FSIP2: variants seen among roughly 807,000 people sequenced by gnomAD.
The protein encoded by FSIP2 is fibrous sheath-interacting protein 2.
A neutral mutation model predicts 510.5 loss-of-function variants in FSIP2; 367 were observed. The ratio of observed to expected loss-of-function variants is 0.72; its 90% CI spans 0.66 to 0.78. The LOEUF (loss-of-function observed/expected upper bound fraction) is 0.78, where lower values mean the gene tolerates loss of function less well. Ranked by LOEUF, FSIP2 falls within the 30% of genes least tolerant of loss-of-function variation. The pLI is 0.00. For missense variants in FSIP2, 7,594 were observed against 7,901.7 expected (o/e 0.96, Z 1.48); for synonymous variants, 2,601 against 2,732.2 (o/e 0.95, Z 1.50).
chr2:185,824,124 T>C (rs1330202449), intron 19 of FSIP2, among the ~76,000 whole-genome samples: 2 of 151,762 alleles, frequency 1.3e-5, no homozygotes, highest in East Asian at 2.0e-4. Flanking sequence ...ACAGTTTCAG[T>C]TGGGAAAGAT....
chr2:185,819,729 G>T (rs1307367194), intron 19 of FSIP2, among the ~76,000 whole-genome samples: 1 of 151,830 alleles, frequency 6.6e-6, no homozygotes, highest in East Asian at 1.9e-4. Flanking sequence ...CTTTGTGTTA[G>T]ATGATTTTGC....
rs1390450195 is a variant in FSIP2 at position 185,792,950 on chromosome 2, T to C, written c.5814T>C (p.Ser1938=). ...CTTTTGCTACTTCCAAAGTAAAATC[T>C]CTCTTTTATTCTCAAGTCAACTTTA... is the stretch of plus-strand genomic sequence containing the variant. The part of the protein sequence containing the change: ...LETFATSKVK[S]LFYSQVNFTV... The change falls in exon 16 of 23, where the codon TCT becomes TCC. Residue 1938 remains serine, a synonymous_variant. Transcript: ENST00000424728. 6.5e-7 allele frequency: 1 copy of C among 1,534,276 alleles called. No individual in the cohort carries two copies. The highest frequency in any genetic ancestry group is 8.7e-7 in the Non-Finnish European group (1 of 1,145,664).
At chr2:185,756,606 C>A (rs1692251824) in intron 9 of FSIP2, among the ~76,000 whole-genome samples, 1 of 151,354 alleles carries the variant, frequency 6.6e-6, no homozygotes. Flanking sequence ...TCAGAAAACT[C>A]TGAAATATGT....
At chr2:185,784,067 G>T (rs558662977) in intron 14 of FSIP2, 2 of 152,306 alleles carry the variant, frequency 1.3e-5, no homozygotes, top group South Asian at 4.1e-4. Flanking sequence ...ACAGGAGTTT[G>T]CTGTGGAAGC....
At position 185,739,013 on chromosome 2, in the gene FSIP2, G is replaced by A. The variant is rs1691860979; in HGVS notation, c.99+20G>A. The A allele has an allele frequency of 1.3e-6, 2 of 1,528,278 alleles. No homozygotes were observed. The highest frequency in any genetic ancestry group is 1.7e-6 in the Non-Finnish European group (2 of 1,144,030). 94.7% of individuals were successfully genotyped at this position (1,528,278 alleles called of 1,614,324 possible). On this transcript the variant is annotated intron_variant, in intron 1 of 22. Coordinates refer to ENST00000424728, the MANE Select transcript of FSIP2 (RefSeq NM_173651.4). ...AGAGACGTGAGTGGCCGCAAGCTGG[G>A]CGGCGTCGCCCTCTGGCGGCCGCAG... is the stretch of plus-strand genomic sequence containing the variant.
chr2:185,775,828 T>C (rs369077504), intron 13 of FSIP2, among the ~76,000 whole-genome samples: 3 of 152,172 alleles, frequency 2.0e-5, no homozygotes, highest in East Asian at 3.9e-4. Context: ...CATACTCAGC[T>C]AATTTTTGTA....
chr2:185,801,888 C>T lies in FSIP2; in HGVS notation c.12582C>T (p.Ile4194=). The part of the protein sequence containing the change: ...KVMSAISKHK[I]WFTIYDNQYL... The stretch of plus-strand genomic sequence containing the variant: ...TGTCAGCCATTTCAAAACATAAAAT[C>T]TGGTTCACTATATATGATAATCAAT... Residue 4194 remains isoleucine (I), a synonymous_variant, in exon 17 of 23, where the codon ATC becomes ATT. Transcript: ENST00000424728. 3 of 1,492,676 alleles carry T rather than the reference C, an allele frequency of 2.0e-6. No individual in the cohort carries two copies. Among genetic ancestry groups the T allele is most frequent in the Non-Finnish European group, 2.7e-6 (3 of 1,119,686 alleles). The allele number at this position is 1,492,676 out of a possible 1,614,324, so 92.5% of individuals were successfully genotyped here. A position where few individuals can be genotyped will look rare whatever the true frequency, so the allele number is the denominator to read the frequency against.
rs1200275785 is a variant in FSIP2 at position 185,799,726 on chromosome 2, A to G, written c.10420A>G (p.Thr3474Ala). ...TAGTGAGGAAAAGATGTCTGTTTCT[A>G]CATGGTCAAGGAAAAAATATGAATC... ...VFSEEKMSVS[T>A]WSRKKYESKQ... The change falls in exon 17 of 23, where the codon ACA becomes GCA. Residue 3474 changes from threonine (T) to alanine (A), a missense_variant. Thr to Ala is a moderately conservative substitution (Grantham distance 58). Coordinates refer to ENST00000424728, the MANE Select transcript of FSIP2 (RefSeq NM_173651.4). 1 of 1,423,318 alleles carries G rather than the reference A, an allele frequency of 7.0e-7. No individual in the cohort carries two copies. The highest frequency in any genetic ancestry group is 2.5e-5 in the East Asian group (1 of 39,492). 88.2% of individuals were successfully genotyped at this position (1,423,318 alleles called of 1,614,324 possible).
At position 185,792,475 on chromosome 2, in the gene FSIP2, T is replaced by C. The variant is rs1422429325; in HGVS notation, c.5339T>C (p.Ile1780Thr). The C allele has an allele frequency of 3.3e-6, 5 of 1,529,988 alleles. No homozygotes were observed. The South Asian group carries it at 4.8e-5, about 15-fold the overall frequency. The allele number at this position is 1,529,988 out of a possible 1,614,324, so 94.8% of individuals were successfully genotyped here. A position where few individuals can be genotyped will look rare whatever the true frequency, so the allele number is the denominator to read the frequency against. Residue 1780 changes from isoleucine to threonine, a missense_variant, in exon 16 of 23, where the codon ATT becomes ACT. Coordinates refer to ENST00000424728, the MANE Select transcript of FSIP2 (RefSeq NM_173651.4). ...CCACATATATCTCCAATTGCTCCCA[T>C]TATAAGAAATATTTTGAATGAAATT... ...KEPHISPIAP[I>T]IRNILNEIFQ...
Position 185,783,825 on chromosome 2 carries a change from T to G in FSIP2, c.1469+1063T>G, listed in dbSNP as rs150521841. The stretch of plus-strand genomic sequence containing the variant: ...TCATAATATAGTTGTAATAACTGCA[T>G]TTTTTATCTTCTCCTACCCAAGAAT... On this transcript the variant is annotated intron_variant, in intron 14 of 22. Coordinates refer to ENST00000424728, the MANE Select transcript of FSIP2 (RefSeq NM_173651.4). 3.9e-5 allele frequency: 6 copies of G among 152,306 alleles called. No homozygotes were observed. The East Asian group carries it at 1.2e-3, about 29-fold the overall frequency. 9.4% of individuals were successfully genotyped at this position (152,306 alleles called of 1,614,324 possible).
At chr2:185,759,410 T>C (rs146397707) in intron 9 of FSIP2, among the ~76,000 whole-genome samples, 550 of 146,030 alleles carry the variant, frequency 3.8e-3, no homozygotes, top group African/African-American at 0.012. Context: ...TTACATATTA[T>C]AATATATATT....
chr2:185,774,267 T>C (rs1449008704), intron 13 of FSIP2, among the ~76,000 whole-genome samples: 1 of 152,214 alleles, frequency 6.6e-6, no homozygotes, highest in African/African-American at 2.4e-5. Context: ...TATAATGCCA[T>C]ATTTTCCTGG....
At chr2:185,764,051 C>T (rs954188772) in intron 12 of FSIP2, among the ~76,000 whole-genome samples, 4 of 150,832 alleles carry the variant, frequency 2.7e-5, no homozygotes, top group Admixed American at 1.3e-4. Context: ...CATTGGGTGT[C>T]ATATTGGCCA....
intron 21 of FSIP2, among the ~76,000 whole-genome samples, chr2:185,831,358 T>A (rs994822013): frequency 2.0e-5 from 3 of 151,932 alleles, no homozygotes; most frequent in Admixed American, 6.6e-5. Flanking sequence ...CAACCAGGTC[T>A]ACAGAGCCAC....
In FSIP2 at chr2:185,796,138, A is replaced by G; in HGVS notation, c.9002A>G (p.Glu3001Gly). Residue 3001 changes from glutamate (E) to glycine (G), a missense_variant, in exon 16 of 23, where the codon GAG becomes GGG. Coordinates refer to ENST00000424728, the MANE Select transcript of FSIP2 (RefSeq NM_173651.4). ...EIVETVLNML[E>G]SFVDLQFKHI... ...GTAGAAACGGTTTTAAACATGTTAG[A>G]GTCATTTGTGGACTTGCAGTTTAAA... is the stretch of plus-strand genomic sequence containing the variant. The G allele has an allele frequency of 6.5e-7, 1 of 1,534,366 alleles. No homozygotes were observed. The highest frequency in any genetic ancestry group is 8.7e-7 in the Non-Finnish European group (1 of 1,145,850).
At chr2:185,747,184 C>T in intron 6 of FSIP2, 129 bp from the exon 7 acceptor site, 4 of 572,962 alleles carry the variant, frequency 7.0e-6, no homozygotes, top group Admixed American at 3.0e-5. Flanking sequence ...CGAACGTATG[C>T]CTTTCATTAT....
chr2:185,794,284 T>C lies in FSIP2; in HGVS notation c.7148T>C (p.Phe2383Ser). 1.3e-6 allele frequency: 2 copies of C among 1,527,276 alleles called. No homozygotes were observed. The highest frequency in any genetic ancestry group is 1.8e-6 in the Non-Finnish European group (2 of 1,142,448). The allele number at this position is 1,527,276 out of a possible 1,614,324, so 94.6% of individuals were successfully genotyped here. Residue 2383 changes from phenylalanine (F) to serine (S), a missense_variant, in exon 16 of 23, where the codon TTC becomes TCC. Phe to Ser is a radical substitution (Grantham distance 155). Transcript: ENST00000424728. ...KIYPYQNNIL[F>S]QENIIVSEIV... ...TATCCATATCAAAACAATATTTTGTTCCAAGAAAACATCATTGTGAGTGAA... is the reference window on the plus strand; with the variant it reads ...TATCCATATCAAAACAATATTTTGTCCCAAGAAAACATCATTGTGAGTGAA...
Position 185,790,025 on chromosome 2 carries a change from T to C in FSIP2, c.2889T>C (p.Ser963=). The C allele has an allele frequency of 6.5e-7, 1 of 1,533,812 alleles. No homozygotes were observed. The highest frequency in any genetic ancestry group is 8.7e-7 in the Non-Finnish European group (1 of 1,145,448). The change falls in exon 16 of 23, where the codon AGT becomes AGC. Residue 963 remains serine (S), a synonymous_variant. Transcript: ENST00000424728. ...AAAAAAGTAGGCAACCTAGAATAAG[T>C]AGTCCTTCTGACACCAAAGAAAAGT... ...SFQKSRQPRI[S]SPSDTKEKYR...
chr2:185,793,018 T>C lies in FSIP2; in HGVS notation c.5882T>C (p.Leu1961Ser). ...ALPIQQDHST[L>S]SKALSAKDSY... ...CCTATTCAGCAAGATCACAGTACAT[T>C]GAGCAAAGCATTATCAGCCAAAGAT... The change falls in exon 16 of 23, where the codon TTG (leucine) becomes TCG (serine). Residue 1961 changes from leucine to serine, a missense_variant. Coordinates refer to ENST00000424728, the MANE Select transcript of FSIP2 (RefSeq NM_173651.4). 6.5e-7 allele frequency: 1 copy of C among 1,534,362 alleles called. No individual in the cohort carries two copies.
Sources: gnomAD v4.1 joint callset for allele counts (sites outside exome capture counted in the v4.1 genomes callset) on GRCh38, gnomAD v4.1.1 for gene constraint, MANE v1.5 for transcripts, NCBI Gene and HGNC (gene_info 2026-07-23, HGNC 2026-07-21) for gene names.